Variants in OR1F1 observed in about 807,000 individuals in gnomAD.
OR1F1 encodes the protein olfactory receptor 1F1.
For synonymous variants in OR1F1, 184 were observed against 156.7 expected (o/e 1.17, Z -1.30); for missense variants, 493 against 376.3 (o/e 1.31, Z -2.57).
chr16:3,192,069 A>C, the OR1F1 span, among the ~76,000 whole-genome samples: 1 of 151,800 alleles, frequency 6.6e-6, no homozygotes, highest in Non-Finnish European at 1.5e-5. Context: ...CCCTCTTCTT[A>C]TTTTTGAGAC....
chr16:3,201,015 C>T (rs986447670), upstream of OR1F1, among the ~76,000 whole-genome samples: 1 of 152,214 alleles, frequency 6.6e-6, no homozygotes, highest in East Asian at 1.9e-4. Context: ...CTTTAATCTA[C>T]TTCCTGTCTC....
At chr16:3,200,944 A>G (rs1429125049), upstream of OR1F1, among the ~76,000 whole-genome samples, 2 of 152,216 alleles carry the variant, frequency 1.3e-5, no homozygotes, top group African/African-American at 4.8e-5. Context: ...TTTCGTTTCA[A>G]ACAAATTCTG....
the OR1F1 span, among the ~76,000 whole-genome samples, chr16:3,196,848 C>T: frequency 1.3e-5 from 2 of 151,360 alleles, no homozygotes; most frequent in Non-Finnish European, 2.9e-5. Context: ...GGCGCCACCA[C>T]CATGCCCAGC....
chr16:3,192,060 C>A, the OR1F1 span, among the ~76,000 whole-genome samples: 1 of 152,046 alleles, frequency 6.6e-6, no homozygotes, highest in African/African-American at 2.4e-5. Flanking sequence ...CGGACGAGCC[C>A]CTCTTCTTAT....
chr16:3,190,029 A>G, the OR1F1 span, among the ~76,000 whole-genome samples: 2 of 152,270 alleles, frequency 1.3e-5, no homozygotes, highest in African/African-American at 2.4e-5. Flanking sequence ...CCTATATACA[A>G]TAAGAGCCGA....
exon 1 of OR1F1, chr16:3,204,433 C>T (rs1285327690): frequency 1.2e-6 from 2 of 1,614,190 alleles, no homozygotes; most frequent in Middle Eastern, 1.6e-4. Context: ...GTACTTCTTC[C>T]TCAGCAACCT....
chr16:3,192,702 T>C, the OR1F1 span, among the ~76,000 whole-genome samples: 1 of 152,084 alleles, frequency 6.6e-6, no homozygotes, highest in Non-Finnish European at 1.5e-5. Context: ...GCGCCGAGCC[T>C]GGAAAAGCGA....
At chr16:3,198,691 C>A in the OR1F1 span, among the ~76,000 whole-genome samples, 2 of 152,000 alleles carry the variant, frequency 1.3e-5, no homozygotes, top group African/African-American at 4.8e-5. Flanking sequence ...TTTTGTTTAC[C>A]CTTAAGAAAT....
the OR1F1 span, chr16:3,189,677 G>A: frequency 5.9e-5 from 9 of 152,002 alleles, no homozygotes; most frequent in East Asian, 1.9e-4. Flanking sequence ...GGGTGCGAGA[G>A]GTCCCGGGTT....
the OR1F1 span, among the ~76,000 whole-genome samples, chr16:3,197,618 GGCC>G: frequency 3.8e-3 from 7 of 1,834 alleles, 1 homozygote; most frequent in East Asian, 0.015. Context: ...TGCTGCTGGG[GGCC>G]AGTTCCTCAG....
chr16:3,197,417 G>GT, the OR1F1 span, among the ~76,000 whole-genome samples: 24 of 151,094 alleles, frequency 1.6e-4, no homozygotes, highest in African/African-American at 3.4e-4. Flanking sequence ...GTCGTTGTTG[G>GT]TTTTTTTTTC....
upstream of OR1F1, among the ~76,000 whole-genome samples, chr16:3,201,703 G>T (rs757358351): frequency 1.3e-5 from 2 of 152,122 alleles, no homozygotes; most frequent in Non-Finnish European, 2.9e-5. Flanking sequence ...ACCTTACCTG[G>T]AGTTGAGGTA....
At chr16:3,192,022 G>A in the OR1F1 span, among the ~76,000 whole-genome samples, 32 of 152,060 alleles carry the variant, frequency 2.1e-4, no homozygotes, top group African/African-American at 5.6e-4. Flanking sequence ...TTCTCGCTTA[G>A]GATGCGAGAG....
At chr16:3,202,658 CAAAATA>C (rs1042122970), upstream of OR1F1, among the ~76,000 whole-genome samples, 1 of 111,390 alleles carries the variant, frequency 9.0e-6, no homozygotes, top group Non-Finnish European at 1.8e-5. Flanking sequence ...AATTCCATCT[CAAAATA>C]ATAATAATAA....
At chr16:3,190,468 A>C in the OR1F1 span, among the ~76,000 whole-genome samples, 1 of 152,186 alleles carries the variant, frequency 6.6e-6, no homozygotes, top group African/African-American at 2.4e-5. Context: ...CAGCACAAGG[A>C]GGCAGGGAGG....
the OR1F1 span, among the ~76,000 whole-genome samples, chr16:3,192,975 C>A: frequency 1.3e-5 from 2 of 152,196 alleles, no homozygotes; most frequent in Non-Finnish European, 2.9e-5. Flanking sequence ...CTTCCTCTGT[C>A]GCCCAGGCTG....
downstream of OR1F1, among the ~76,000 whole-genome samples, chr16:3,206,374 T>C (rs1958209838): frequency 6.6e-6 from 1 of 152,204 alleles, no homozygotes; most frequent in Non-Finnish European, 1.5e-5. Flanking sequence ...TGATCTCTAT[T>C]GGCTTCAGAG....
downstream of OR1F1, among the ~76,000 whole-genome samples, chr16:3,206,308 G>A (rs776456382): frequency 3.9e-5 from 6 of 152,158 alleles, no homozygotes; most frequent in Non-Finnish European, 7.3e-5. Flanking sequence ...AAGACAATAC[G>A]TGCACAGCTG....
the OR1F1 span, among the ~76,000 whole-genome samples, chr16:3,196,200 C>T: frequency 7.9e-5 from 12 of 152,302 alleles, no homozygotes; most frequent in South Asian, 4.1e-4. Context: ...ATCTCAGGGT[C>T]GTGGGTTTGA....
Sources: allele counts gnomAD v4.1 joint callset (sites outside exome capture counted in the v4.1 genomes callset), GRCh38; gene constraint gnomAD v4.1.1; transcripts MANE v1.5; gene names NCBI Gene and HGNC (gene_info 2026-07-23, HGNC 2026-07-21).